POU6F2: variants seen among roughly 807,000 people sequenced by gnomAD.
The protein encoded by POU6F2 is POU class 6 homeobox 2, also known as POU domain, class 6, transcription factor 2.
In POU6F2, 31 loss-of-function variants were observed where a neutral mutation model predicts 71.3. That is an observed-to-expected ratio of 0.43 (90% CI 0.33 to 0.59). POU6F2 has a LOEUF of 0.59. POU6F2 is among the 20% of genes least tolerant of loss of function. POU6F2 has a pLI of 0.04. For missense variants in POU6F2, 783 were observed against 856.8 expected (o/e 0.91, Z 1.07); for synonymous variants, 347 against 355.7 (o/e 0.98, Z 0.27).
At chr7:39,416,429 A>G (rs1230575019) in intron 6 of POU6F2, among the ~76,000 whole-genome samples, 1 of 152,188 alleles carries the variant, frequency 6.6e-6, no homozygotes, top group Non-Finnish European at 1.5e-5. Flanking sequence ...TGAGCCTTTC[A>G]GAGCTCAATA....
In POU6F2 at chr7:39,079,334, G is replaced by A. The variant is rs190177621; in HGVS notation, c.106-6526G>A. On this transcript the variant is annotated intron_variant, in intron 1 of 9. Coordinates refer to ENST00000518318, the MANE Select transcript of POU6F2 (RefSeq NM_001370959.1). ...CTCCCGAGTAGCTGGGATTACAGGC[G>A]CCCGCAACCACGCCCCACTAATTTT... Among the ~76,000 whole-genome samples, 645 of 151,698 alleles carry A rather than the reference G, an allele frequency of 4.3e-3. 3 individuals are homozygous for A. Among genetic ancestry groups the A allele is most frequent in the Middle Eastern group, 0.01 (3 of 294 alleles).
intron 4 of POU6F2, among the ~76,000 whole-genome samples, chr7:39,275,799 G>A (rs1175032946): frequency 6.6e-6 from 1 of 151,710 alleles, no homozygotes; most frequent in Non-Finnish European, 1.5e-5. Context: ...CAAGCAATGG[G>A]GAAAGGATTC....
At chr7:39,067,669 C>T (rs1171390723) in intron 1 of POU6F2, among the ~76,000 whole-genome samples, 1 of 151,960 alleles carries the variant, frequency 6.6e-6, no homozygotes. Context: ...CAGTGTGCAA[C>T]ACAATAAATG....
intron 2 of POU6F2, among the ~76,000 whole-genome samples, chr7:39,196,102 A>T (rs1169068389): frequency 1.3e-5 from 2 of 152,180 alleles, no homozygotes; most frequent in African/African-American, 4.8e-5. Context: ...CAGAATCTAG[A>T]TCTTGTCCCC....
At chr7:39,188,622 T>G (rs1234542012) in intron 2 of POU6F2, among the ~76,000 whole-genome samples, 3 of 152,180 alleles carry the variant, frequency 2.0e-5, no homozygotes, top group African/African-American at 7.2e-5. Flanking sequence ...CAGAATCTGA[T>G]TTTTAGAGAC....
chr7:39,186,670 T>C (rs918361565), intron 2 of POU6F2, among the ~76,000 whole-genome samples: 23 of 152,226 alleles, frequency 1.5e-4, no homozygotes, highest in Admixed American at 6.5e-5. Flanking sequence ...CTACCGCTCA[T>C]ACAGGACTGC....
chr7:39,292,983 G>A (rs960812304), intron 4 of POU6F2, among the ~76,000 whole-genome samples: 1 of 152,132 alleles, frequency 6.6e-6, no homozygotes, highest in Non-Finnish European at 1.5e-5. Flanking sequence ...AATCTTGCTT[G>A]GGCTCTGGCC....
At chr7:39,147,041 A>T (rs1404858419) in intron 2 of POU6F2, among the ~76,000 whole-genome samples, 3 of 152,246 alleles carry the variant, frequency 2.0e-5, no homozygotes, top group Non-Finnish European at 4.4e-5. Flanking sequence ...GTGAATTTGC[A>T]TATACACATA....
chr7:39,122,859 C>A (rs1489297613), intron 2 of POU6F2, among the ~76,000 whole-genome samples: 1 of 152,114 alleles, frequency 6.6e-6, no homozygotes, highest in Middle Eastern at 3.4e-3. Context: ...AGGTGCATGC[C>A]ACCATGCCCA....
intron 4 of POU6F2, among the ~76,000 whole-genome samples, chr7:39,307,660 A>G (rs934663556): frequency 6.6e-6 from 1 of 152,212 alleles, no homozygotes; most frequent in Non-Finnish European, 1.5e-5. Context: ...AAAGTCCTCA[A>G]TTAAGTTACT....
At chr7:39,091,276 G>A (rs947454053) in intron 2 of POU6F2, among the ~76,000 whole-genome samples, 7 of 152,176 alleles carry the variant, frequency 4.6e-5, no homozygotes, top group South Asian at 2.1e-4. Context: ...TGTCAGAATC[G>A]TCAGTGGGGA....
chr7:39,367,473 G>A (rs1786524636), intron 5 of POU6F2, among the ~76,000 whole-genome samples: 1 of 152,140 alleles, frequency 6.6e-6, no homozygotes, highest in African/African-American at 2.4e-5. Flanking sequence ...CCCAGAAGAG[G>A]TAAGGGTTAA....
intron 2 of POU6F2, among the ~76,000 whole-genome samples, chr7:39,196,628 G>A (rs1793791554): frequency 6.6e-6 from 1 of 152,028 alleles, no homozygotes. Flanking sequence ...GTGTGGTGGT[G>A]TGTGCCTGTA....
Position 39,275,889 on chromosome 7 carries a change from A to G in POU6F2, c.599-63753A>G, listed in dbSNP as rs1440214220. Among the ~76,000 whole-genome samples the G allele has an allele frequency of 1.8e-3, 277 of 152,032 alleles. 1 individual carries two copies. The highest frequency in any genetic ancestry group is 6.3e-3 in the African/African-American group (263 of 41,458). On this transcript the variant is annotated intron_variant, in intron 4 of 9. Transcript: ENST00000518318. ...ACTGGATCCCTTCCTTACACCTTAT[A>G]CAAAAATTAATTCAAGATGGATTAA... is the stretch of plus-strand genomic sequence containing the variant.
intron 2 of POU6F2, among the ~76,000 whole-genome samples, chr7:39,201,174 T>TA (rs1793894662): frequency 1.3e-5 from 2 of 152,224 alleles, no homozygotes; most frequent in South Asian, 4.1e-4. Context: ...GTGAGAGGGG[T>TA]ACTGTTGTTA....
At chr7:39,086,835 C>G (rs1053211673) in intron 2 of POU6F2, among the ~76,000 whole-genome samples, 1 of 152,052 alleles carries the variant, frequency 6.6e-6, no homozygotes, top group Non-Finnish European at 1.5e-5. Flanking sequence ...TGTTGAGGCG[C>G]GTGCCTGAGT....
chr7:39,111,661 TGCATG>T (rs1791816786), intron 2 of POU6F2, among the ~76,000 whole-genome samples: 1 of 152,166 alleles, frequency 6.6e-6, no homozygotes, highest in Non-Finnish European at 1.5e-5. Flanking sequence ...AAAATGACAT[TGCATG>T]GTCTTCAGAG....
intron 2 of POU6F2, among the ~76,000 whole-genome samples, chr7:39,179,115 A>G (rs1207296793): frequency 6.6e-6 from 1 of 152,178 alleles, no homozygotes; most frequent in Non-Finnish European, 1.5e-5. Context: ...CCACCTTATT[A>G]TAGCATTATC....
At chr7:39,231,896 G>T in intron 4 of POU6F2, among the ~76,000 whole-genome samples, 1 of 152,102 alleles carries the variant, frequency 6.6e-6, no homozygotes, top group East Asian at 1.9e-4. Flanking sequence ...TAATACATGG[G>T]GCTTTAAATA....
Sources: allele counts gnomAD v4.1 joint callset (sites outside exome capture counted in the v4.1 genomes callset), GRCh38; gene constraint gnomAD v4.1.1; transcripts MANE v1.5; gene names NCBI Gene and HGNC (gene_info 2026-07-23, HGNC 2026-07-21).